CRLF2: variants seen among roughly 807,000 people sequenced by gnomAD.
CRLF2 encodes cytokine receptor-like factor 2.
In CRLF2, 41 loss-of-function variants were observed where a neutral mutation model predicts 38.7. That is an observed-to-expected ratio of 1.06 (90% CI 0.83 to 1.37). The LOEUF is 1.37. CRLF2 is among the 40% of genes most tolerant of loss of function. CRLF2 has a pLI of 0.00. For missense variants in CRLF2, 377 were observed against 322.2 expected (o/e 1.17, Z -1.30); for synonymous variants, 140 against 128.8 (o/e 1.09, Z -0.59).
At chrX:1,212,472 T>C in intron 1 of CRLF2, 84 bp downstream of exon 1, 2 of 929,478 alleles carry the variant, frequency 2.2e-6, no homozygotes, top group Non-Finnish European at 3.4e-6. Flanking sequence ...GCTCATTGTT[T>C]AAGTTTTACA....
intron 1 of CRLF2, among the ~76,000 whole-genome samples, chrX:1,210,121 G>GAA (rs1556425617): frequency 2.1e-5 from 1 of 48,022 alleles, no homozygotes. Flanking sequence ...AAAAAGAAAA[G>GAA]AAAAGAAAAG....
In CRLF2 at chrX:1,198,662, A is replaced by G; in HGVS notation, c.546T>C (p.Ser182=). 1 of 1,613,566 alleles carries G rather than the reference A, an allele frequency of 6.2e-7. No homozygotes were observed. The highest frequency in any genetic ancestry group is 1.7e-4 in the Middle Eastern group (1 of 6,056). The change falls in exon 5 of 8, where the codon TCT becomes TCC. Residue 182 remains serine, a synonymous_variant. Transcript: ENST00000400841. The part of the protein sequence containing the change: ...IEGLDAEKCY[S]FWVRVKAMED... The stretch of plus-strand genomic sequence containing the variant: ...CCATAGCCTTCACCCTGACCCAGAA[A>G]GAGTAACACTTCTCGGCATCCAAGC...
intron 2 of CRLF2, among the ~76,000 whole-genome samples, chrX:1,208,498 G>A (rs1251081883): frequency 1.3e-5 from 2 of 152,144 alleles, no homozygotes; most frequent in African/African-American, 4.8e-5. Context: ...GGCAGAGGTT[G>A]CAGTGAGCCG....
At chrX:1,197,042 TTTTTG>T (rs2086492345) in intron 5 of CRLF2, 142 bp from the exon 6 acceptor site, 1 of 697,316 alleles carries the variant, frequency 1.4e-6, no homozygotes, top group East Asian at 3.0e-5. Flanking sequence ...CGTTGTTTGT[TTTTTG>T]TTTTGTTTTT....
Position 1,192,213 on chromosome X carries a change from A to AAAC in CRLF2, c.852+1004_852+1005insGTT, listed in dbSNP as rs1556416127. Among the ~76,000 whole-genome samples the AAAC allele has an allele frequency of 3.1e-4, 42 of 137,554 alleles. 1 individual carries two copies. In the Admixed American group the frequency reaches 3.3e-3, roughly 11 times the overall value. The allele number at this position is 137,554 out of a possible 152,430, so 90.2% of individuals were successfully genotyped here. ...GAGCGAGACTCCGTCTCAAAAAAAA[A>AAAC]AAAAAAACAAAAAAAACCTAGTTTG... On this transcript the variant is annotated intron_variant, in intron 7 of 7. Coordinates refer to ENST00000400841, the MANE Select transcript of CRLF2 (RefSeq NM_022148.4).
At chrX:1,207,330 A>ACTGCAACCT (rs1308153863) in intron 2 of CRLF2, among the ~76,000 whole-genome samples, 1 of 150,054 alleles carries the variant, frequency 6.7e-6, no homozygotes, top group African/African-American at 2.5e-5. Context: ...ATCTCGGCCC[A>ACTGCAACCT]CTGCAACCTC....
intron 4 of CRLF2, among the ~76,000 whole-genome samples, chrX:1,199,928 A>ACGTGTGTTT (rs1231107303): frequency 6.6e-6 from 1 of 150,486 alleles, no homozygotes; most frequent in Non-Finnish European, 1.5e-5. Context: ...TAAGCTGTGT[A>ACGTGTGTTT]TGTAAGGTGT....
chrX:1,198,115 C>T (rs1323333350), intron 5 of CRLF2, among the ~76,000 whole-genome samples: 1 of 151,974 alleles, frequency 6.6e-6, no homozygotes, highest in African/African-American at 2.4e-5. Context: ...CTTGCTCAGA[C>T]ACACCCTCCT....
intron 6 of CRLF2, among the ~76,000 whole-genome samples, chrX:1,194,461 T>TA: frequency 6.6e-6 from 1 of 150,930 alleles, no homozygotes; most frequent in Non-Finnish European, 1.5e-5. Context: ...GACTCAGTCT[T>TA]AAAAAAATAA....
rs765242323 is a variant in CRLF2, at chrX:1,206,614, G to A, written c.183-15C>T. The stretch of plus-strand genomic sequence containing the variant: ...CACCGTTGAATCTGTGGTTTAAAAC[G>A]ATGACCATTCAGCAACAAAACAAAA... On this transcript the variant is annotated splice_polypyrimidine_tract_variant and intron_variant, in intron 2 of 7. Transcript: ENST00000400841. 1.2e-6 allele frequency: 2 copies of A among 1,610,564 alleles called. No individual in the cohort carries two copies. Among genetic ancestry groups the A allele is most frequent in the South Asian group, 1.1e-5 (1 of 90,932 alleles).
chrX:1,206,401 A>G, intron 3 of CRLF2, 32 bp downstream of exon 3: 1 of 1,603,692 alleles, frequency 6.2e-7, no homozygotes, highest in South Asian at 1.1e-5. Context: ...GAAGTACTGA[A>G]AAGCATGGTG....
In CRLF2 at chrX:1,190,539, G is replaced by C; in HGVS notation, c.*358C>G. 3.5e-6 allele frequency: 1 copy of C among 288,360 alleles called. No homozygotes were observed. Among genetic ancestry groups the C allele is most frequent in the Non-Finnish European group, 6.4e-6 (1 of 155,778 alleles). The allele number at this position is 288,360 out of a possible 1,614,324, so 17.9% of individuals were successfully genotyped here. A position where few individuals can be genotyped will look rare whatever the true frequency, so the allele number is the denominator to read the frequency against. ...CCGAGAATCCAATGCTATGGGAATG[G>C]TACATGGACGGAACTGGGGACTCAC... On this transcript the variant is annotated 3_prime_UTR_variant, in exon 8 of 8. Coordinates refer to ENST00000400841, the MANE Select transcript of CRLF2 (RefSeq NM_022148.4).
At chrX:1,202,107 A>C (rs2086618551) in intron 4 of CRLF2, among the ~76,000 whole-genome samples, 1 of 152,088 alleles carries the variant, frequency 6.6e-6, no homozygotes, top group African/African-American at 2.4e-5. Context: ...ACATAGATAG[A>C]GGTAGAGATA....
At chrX:1,195,931 TTAA>T (rs2086466483) in intron 6 of CRLF2, among the ~76,000 whole-genome samples, 1 of 141,822 alleles carries the variant, frequency 7.1e-6, no homozygotes, top group African/African-American at 2.6e-5. Flanking sequence ...ATAGATTACA[TTAA>T]ATATATTTAT....
At chrX:1,192,656 T>C (rs1370754813) in intron 7 of CRLF2, among the ~76,000 whole-genome samples, 1 of 151,832 alleles carries the variant, frequency 6.6e-6, no homozygotes, top group Admixed American at 6.6e-5. Context: ...TTTTTTTCTT[T>C]CTTTCCTTTT....
chrX:1,203,903 C>A (rs1482376353), intron 3 of CRLF2, among the ~76,000 whole-genome samples: 1 of 151,954 alleles, frequency 6.6e-6, no homozygotes, highest in Non-Finnish European at 1.5e-5. Context: ...ATCCGTTTCC[C>A]CTACCTCTAA....
At chrX:1,210,760 AGAT>A (rs1211651880) in intron 1 of CRLF2, among the ~76,000 whole-genome samples, 4 of 152,224 alleles carry the variant, frequency 2.6e-5, no homozygotes, top group Admixed American at 2.0e-4. Flanking sequence ...AGAATTATAT[AGAT>A]GATGATAGAA....
chrX:1,209,294 T>TTGCATTGTATTGTAGTGTAG (rs1477485769), intron 1 of CRLF2, among the ~76,000 whole-genome samples: 17 of 142,524 alleles, frequency 1.2e-4, no homozygotes, highest in South Asian at 7.0e-4. Flanking sequence ...TTGCATTGTA[T>TTGCATTGTATTGTAGTGTAG]TGTAGTGTAG....
chrX:1,203,200 T>C (rs1382700738), intron 3 of CRLF2, among the ~76,000 whole-genome samples: 3 of 149,886 alleles, frequency 2.0e-5, no homozygotes, highest in Admixed American at 6.7e-5. Context: ...GAAGGAAGGG[T>C]TCTAAATCCA....
Sources: allele counts gnomAD v4.1 joint callset (sites outside exome capture counted in the v4.1 genomes callset), GRCh38; gene constraint gnomAD v4.1.1; transcripts MANE v1.5; gene names NCBI Gene and HGNC (gene_info 2026-07-23, HGNC 2026-07-21).